CNIH3: variants seen among roughly 807,000 people sequenced by gnomAD.
CNIH3 encodes the protein protein cornichon homolog 3.
A neutral mutation model predicts 24.1 loss-of-function variants in CNIH3; 14 were observed. The ratio of observed to expected loss-of-function variants is 0.58; its 90% confidence interval spans 0.38 to 0.91. CNIH3 has a LOEUF of 0.91. Among genes scored for constraint, CNIH3 ranks in the 40% least tolerant of loss-of-function variants. The probability of loss-of-function intolerance (pLI) is 0.00; values close to 1 mark genes in which losing one functional copy is unlikely to be tolerated. For synonymous variants in CNIH3, 68 were observed against 73.8 expected (o/e 0.92, Z 0.40); for missense variants, 178 against 196.8 (o/e 0.90, Z 0.57).
intron 1 of CNIH3, among the ~76,000 whole-genome samples, chr1:224,439,928 A>G (rs1290879738): frequency 6.6e-6 from 1 of 152,246 alleles, no homozygotes; most frequent in Admixed American, 6.5e-5. Context: ...AGCTGGGACT[A>G]CAGGCACCCA....
At chr1:224,554,248 C>T (rs950628765) in intron 3 of CNIH3, among the ~76,000 whole-genome samples, 3 of 152,142 alleles carry the variant, frequency 2.0e-5, no homozygotes, top group Non-Finnish European at 4.4e-5. Context: ...GCATCTCCAC[C>T]TTTGCACACA....
At chr1:224,669,718 T>C (rs2125128481) in intron 1 of CNIH3, among the ~76,000 whole-genome samples, 1 of 152,356 alleles carries the variant, frequency 6.6e-6, no homozygotes, top group Admixed American at 6.5e-5. Context: ...CTAGGCATTG[T>C]GCCCGGTGCT....
chr1:224,524,635 T>C lies in CNIH3; in HGVS notation n.343+3308T>C, dbSNP rs146263653. On this transcript the variant is annotated intron_variant and non_coding_transcript_variant, in intron 2 of 2. Transcript: ENST00000470602. ...TGTAGTATAGTTGCATTGTGTTAGG[T>C]AGGGATATTACTGAAATTGAACAAA... Among the ~76,000 whole-genome samples, 1,194 of 152,284 alleles carry C rather than the reference T, an allele frequency of 7.8e-3. 9 individuals are homozygous for C. Among genetic ancestry groups the C allele is most frequent in the Non-Finnish European group, 0.012 (814 of 68,014 alleles).
intron 3 of CNIH3, among the ~76,000 whole-genome samples, chr1:224,686,670 C>A (rs1033454045): frequency 6.6e-6 from 1 of 152,166 alleles, no homozygotes; most frequent in Non-Finnish European, 1.5e-5. Context: ...CCTGGATATA[C>A]CATCCTGTAT....
chr1:224,434,839 C>T (rs1301439089), exon 1 of CNIH3: 4 of 985,730 alleles, frequency 4.1e-6, no homozygotes, highest in Non-Finnish European at 4.8e-6. Flanking sequence ...CTATACTGCC[C>T]TCCTCACTCA....
intron 3 of CNIH3, among the ~76,000 whole-genome samples, chr1:224,689,129 G>T (rs1381397667): frequency 1.3e-5 from 2 of 152,022 alleles, no homozygotes; most frequent in Admixed American, 6.5e-5. Context: ...ATATTTGGAA[G>T]GTTTTGGTGA....
intron 1 of CNIH3, among the ~76,000 whole-genome samples, chr1:224,640,822 C>A (rs1235289990): frequency 6.6e-6 from 1 of 152,082 alleles, no homozygotes; most frequent in Non-Finnish European, 1.5e-5. Flanking sequence ...ACCCCTGAGA[C>A]ATGGCTGAGT....
At chr1:224,682,536 G>GA (rs1423633534) in intron 2 of CNIH3, among the ~76,000 whole-genome samples, 1 of 152,210 alleles carries the variant, frequency 6.6e-6, no homozygotes, top group Non-Finnish European at 1.5e-5. Flanking sequence ...AGATCCACTT[G>GA]AAAACTTGCT....
At chr1:224,665,230 C>T (rs1227003683) in intron 1 of CNIH3, among the ~76,000 whole-genome samples, 8 of 152,206 alleles carry the variant, frequency 5.3e-5, no homozygotes, top group South Asian at 4.2e-4. Flanking sequence ...CCCTCTTGTA[C>T]GCTGGATACT....
At chr1:224,589,635 A>G (rs952578187), downstream of CNIH3, among the ~76,000 whole-genome samples, 1 of 152,188 alleles carries the variant, frequency 6.6e-6, no homozygotes, top group East Asian at 1.9e-4. Flanking sequence ...AGAAGAAAAG[A>G]TTTTTAATCC....
chr1:224,658,782 A>G (rs1362071094), intron 1 of CNIH3, among the ~76,000 whole-genome samples: 3 of 151,670 alleles, frequency 2.0e-5, no homozygotes, highest in Non-Finnish European at 2.9e-5. Flanking sequence ...ATCTCTTATT[A>G]ATATTACATA....
At chr1:224,721,855 T>C (rs1688739902) in intron 3 of CNIH3, among the ~76,000 whole-genome samples, 1 of 152,040 alleles carries the variant, frequency 6.6e-6, no homozygotes, top group Admixed American at 6.5e-5. Flanking sequence ...GGTGGAAGGA[T>C]GCTGGAGAGC....
At chr1:224,476,029 C>T (rs867733494) in intron 1 of CNIH3, among the ~76,000 whole-genome samples, 5 of 152,004 alleles carry the variant, frequency 3.3e-5, no homozygotes, top group Admixed American at 6.6e-5. Flanking sequence ...AAAAAGCATT[C>T]GAAAAAATTC....
chr1:224,674,724 T>C (rs1465398424), intron 1 of CNIH3, among the ~76,000 whole-genome samples: 1 of 151,802 alleles, frequency 6.6e-6, no homozygotes, highest in Non-Finnish European at 1.5e-5. Flanking sequence ...AGAAACAGCT[T>C]CACTTCTAGC....
chr1:224,605,692 C>T (rs1558203143), intron 3 of CNIH3, among the ~76,000 whole-genome samples: 1 of 152,142 alleles, frequency 6.6e-6, no homozygotes, highest in Non-Finnish European at 1.5e-5. Flanking sequence ...CACCCAGACC[C>T]GTGACTCAAC....
At chr1:224,582,269 A>T (rs769952922) in intron 4 of CNIH3, among the ~76,000 whole-genome samples, 1 of 152,174 alleles carries the variant, frequency 6.6e-6, no homozygotes, top group Admixed American at 6.5e-5. Context: ...GTAGCCACAG[A>T]TGGCCAGTTC....
At chr1:224,440,992 ATTT>A (rs1674884912) in intron 1 of CNIH3, among the ~76,000 whole-genome samples, 1 of 151,832 alleles carries the variant, frequency 6.6e-6, no homozygotes, top group African/African-American at 2.4e-5. Context: ...AATTTTTTGT[ATTT>A]TTAGTAGAGA....
At chr1:224,695,285 A>G (rs915637317) in intron 3 of CNIH3, among the ~76,000 whole-genome samples, 1 of 151,004 alleles carries the variant, frequency 6.6e-6, no homozygotes, top group Non-Finnish European at 1.5e-5. Context: ...CTGCCAGCCC[A>G]CTCTGCAGAT....
At chr1:224,498,791 C>G (rs556677952) in intron 1 of CNIH3, among the ~76,000 whole-genome samples, 1 of 152,330 alleles carries the variant, frequency 6.6e-6, no homozygotes, top group African/African-American at 2.4e-5. Context: ...CCTTCACTGC[C>G]CTGGCGTCAT....
Sources: gnomAD v4.1 joint callset for allele counts (sites outside exome capture counted in the v4.1 genomes callset) on GRCh38, gnomAD v4.1.1 for gene constraint, MANE v1.5 for transcripts, NCBI Gene and HGNC (gene_info 2026-07-23, HGNC 2026-07-21) for gene names.